Variants in ZP1 observed in about 807,000 individuals in gnomAD.
ZP1 encodes zona pellucida sperm-binding protein 1.
A neutral mutation model predicts 67.4 loss-of-function variants in ZP1; 58 were observed. The observed-to-expected ratio is 0.86, with a 90% CI of 0.70 to 1.07. ZP1 has a LOEUF of 1.07. Among genes scored for constraint, ZP1 ranks in the 50% least tolerant of loss-of-function variants. The pLI is 0.00. For missense variants in ZP1, 759 were observed against 807.3 expected (o/e 0.94, Z 0.72); for synonymous variants, 333 against 332.7 (o/e 1.00, Z -0.01).
rs748033099 is a variant in ZP1 at position 60,873,485 on chromosome 11, G to A, written c.1351G>A (p.Val451Ile). ...RLLQRTDPNL[V>I]LLLHQCWGAP... ...TCTGCAGAGGACAGACCCCAACCTG[G>A]TCCTGCTGCTGCACCAGTGCTGGGG... The change falls in exon 8 of 12, where the codon GTC becomes ATC. Residue 451 changes from valine (V) to isoleucine (I), a missense_variant. Coordinates refer to ENST00000278853, the MANE Select transcript of ZP1 (RefSeq NM_207341.4). 1.9e-6 allele frequency: 3 copies of A among 1,613,438 alleles called. No homozygotes were observed. The highest frequency in any genetic ancestry group is 1.3e-5 in the African/African-American group (1 of 74,870).
intron 11 of ZP1, 25 bp from the exon 12 acceptor site, chr11:60,875,489 C>T (rs1482668432): frequency 1.2e-6 from 2 of 1,612,754 alleles, no homozygotes; most frequent in Non-Finnish European, 1.7e-6. Flanking sequence ...CTCACCCAGC[C>T]CTGCCAATCC....
intron 4 of ZP1, 195 bp from the exon 5 acceptor site, chr11:60,870,762 G>A (rs1301354302): frequency 2.8e-5 from 20 of 720,520 alleles, no homozygotes; most frequent in South Asian, 1.9e-5. Flanking sequence ...TACTTTTAGA[G>A]TGTAGTTCAA....
intron 6 of ZP1, 113 bp from the exon 7 acceptor site, chr11:60,873,049 T>G (rs1855611594): frequency 7.9e-7 from 1 of 1,258,758 alleles, no homozygotes; most frequent in East Asian, 2.4e-5. Flanking sequence ...CCATCTGCCC[T>G]GCTGGACAGT....
At position 60,873,768 on chromosome 11, in the gene ZP1, G is replaced by A. The variant is rs749684202; in HGVS notation, c.1565G>A (p.Arg522Lys). ...LLDSGSQRAL[R>K]GLVYLFCSTS... is the part of the protein sequence containing the mutation. Reference sequence around the variant, plus strand: ...GACTCAGGCTCCCAGAGAGCCCTCAGAGGACTGGTAAGAAGCCCCGGCTGC... The same window carrying A: ...GACTCAGGCTCCCAGAGAGCCCTCAAAGGACTGGTAAGAAGCCCCGGCTGC... Residue 522 changes from arginine to lysine, a missense_variant, in exon 9 of 12, where the codon AGA (arginine) becomes AAA (lysine). Coordinates refer to ENST00000278853, the MANE Select transcript of ZP1 (RefSeq NM_207341.4). 2.5e-6 allele frequency: 4 copies of A among 1,613,744 alleles called. No individual in the cohort carries two copies. In the East Asian group the frequency reaches 6.7e-5, roughly 27 times the overall value.
intron 9 of ZP1, 148 bp from the exon 10 acceptor site, chr11:60,874,785 T>C: frequency 1.4e-6 from 1 of 698,866 alleles, no homozygotes; most frequent in South Asian, 1.7e-5. Flanking sequence ...GCAGCAGTCA[T>C]CATCTTGGTC....
intron 9 of ZP1, among the ~76,000 whole-genome samples, 177 bp downstream of exon 9, chr11:60,873,952 C>T (rs770804292): frequency 6.6e-6 from 1 of 152,200 alleles, no homozygotes; most frequent in Admixed American, 6.5e-5. Context: ...TAACCCATAA[C>T]CACCACCAGG....
rs772134317 is a variant in ZP1, at chr11:60,867,581, C to T, written c.20C>T (p.Thr7Met). The T allele has an allele frequency of 6.8e-6, 11 of 1,610,444 alleles. No homozygotes were observed. The highest frequency in any genetic ancestry group is 4.0e-5 in the African/African-American group (3 of 74,860). Residue 7 changes from threonine to methionine, a missense_variant, in exon 1 of 12, where the codon ACG (threonine) becomes ATG (methionine). Transcript: ENST00000278853. The stretch of plus-strand genomic sequence containing the variant: ...CGTCTCATGGCAGGAGGCTCAGCCA[C>T]GACCTGGGGTTACCCTGTGGCCCTG... MAGGSA[T>M]TWGYPVALLL...
chr11:60,871,477 TGCTGGGCAGGGG>T (rs1275438243), intron 6 of ZP1, among the ~76,000 whole-genome samples, 163 bp downstream of exon 6: 2 of 152,190 alleles, frequency 1.3e-5, no homozygotes, highest in Non-Finnish European at 2.9e-5. Context: ...CAGCCTCCCC[TGCTGGGCAGGGG>T]AAATGTCCCT....
Position 60,871,103 on chromosome 11 carries a change from G to T in ZP1, c.973G>T (p.Val325Phe). The T allele has an allele frequency of 1.2e-6, 2 of 1,614,156 alleles. No individual in the cohort carries two copies. Among genetic ancestry groups the T allele is most frequent in the Non-Finnish European group, 1.7e-6 (2 of 1,180,006 alleles). ...AACACAGCACACGGAAGCTTTCGTG[G>T]TCTTCTACTTCCCTCTCACCCACTG... The part of the protein sequence containing the change: ...SPTQHTEAFV[V>F]FYFPLTHCGT... Residue 325 changes from valine to phenylalanine, a missense_variant, in exon 5 of 12, where the codon GTC (valine) becomes TTC (phenylalanine). Physicochemically the swap from Val to Phe is conservative, Grantham distance 50. Coordinates refer to ENST00000278853, the MANE Select transcript of ZP1 (RefSeq NM_207341.4).
chr11:60,870,387 C>G lies in ZP1; in HGVS notation c.738C>G (p.Ile246Met), dbSNP rs750637109. 1 of 1,613,314 alleles carries G rather than the reference C, an allele frequency of 6.2e-7. No homozygotes were observed. The highest frequency in any genetic ancestry group is 8.5e-7 in the Non-Finnish European group (1 of 1,179,742). The change falls in exon 4 of 12, where the codon ATC becomes ATG. Residue 246 changes from isoleucine to methionine, a missense_variant. Physicochemically the swap from Ile to Met is conservative, Grantham distance 10 (BLOSUM62 1). Transcript: ENST00000278853. ...CQVASGHLPC[I>M]VRRTSKEACQ... ...TGGCCTCAGGGCACCTCCCCTGCAT[C>G]GTGAGAAGAACTTCAAAAGAAGCCT...
rs201527156 is a variant in ZP1, at chr11:60,869,167, T to A, written c.219T>A (p.Asp73Glu). 2 of 1,614,132 alleles carry A rather than the reference T, an allele frequency of 1.2e-6. No individual in the cohort carries two copies. The highest frequency in any genetic ancestry group is 8.5e-7 in the Non-Finnish European group (1 of 1,180,012). Residue 73 changes from aspartate (D) to glutamate (E), a missense_variant, in exon 2 of 12, where the codon GAT (aspartate) becomes GAA (glutamate). Physicochemically the swap from Asp to Glu is conservative, Grantham distance 45. Transcript: ENST00000278853. ...KVVDEFGNRF[D>E]VNNCSICYHW... is the part of the protein sequence containing the mutation. ...CAGATGAATTTGGGAACCGATTTGA[T>A]GTCAACAACTGCTCCATCTGCTACC...
At position 60,867,706 on chromosome 11, in the gene ZP1, C is replaced by T. The variant is rs149229543; in HGVS notation, c.145C>T (p.Gln49Ter). The T allele has an allele frequency of 6.2e-7, 1 of 1,613,902 alleles. No individual in the cohort carries two copies. The highest frequency in any genetic ancestry group is 1.3e-5 in the African/African-American group (1 of 74,950). ...CTACGACTGTGGGATCAAGGGAATG[C>T]AGCTGCTGGTGTTCCCCAGGCCAGG... ...HSYDCGIKGM[Q>*]LLVFPRPGQT... Residue 49 changes from glutamine to a stop codon, truncating the protein, a stop_gained, in exon 1 of 12, where the codon CAG (glutamine) becomes TAG (stop). Transcript: ENST00000278853. LOFTEE classifies it high-confidence loss of function.
rs755906925 is a variant in ZP1 at position 60,869,683 on chromosome 11, T to C, written c.465T>C (p.Ser155=). 1.9e-6 allele frequency: 3 copies of C among 1,614,206 alleles called. No individual in the cohort carries two copies. The East Asian group carries it at 6.7e-5, about 36-fold the overall frequency. The change falls in exon 3 of 12, where the codon TCT becomes TCC. Residue 155 remains serine (S), a synonymous_variant. Transcript: ENST00000278853. ...DSQLAPPAMF[S]VSTPQTLSFL... ...AGCTGGCACCACCCGCCATGTTCTC[T>C]GTCTCAACCCCACAAACCCTTTCCT...
At chr11:60,873,586 C>A (rs751757784) in intron 8 of ZP1, 22 bp downstream of exon 8, 1 of 1,613,840 alleles carries the variant, frequency 6.2e-7, no homozygotes, top group South Asian at 1.1e-5. Context: ...CACACTCCCC[C>A]CACCTGCTCT....
In ZP1 at chr11:60,869,751, C is replaced by T. The variant is rs138582317; in HGVS notation, c.533C>T (p.Ala178Val). The T allele has an allele frequency of 1.2e-6, 2 of 1,613,962 alleles. No individual in the cohort carries two copies. Among genetic ancestry groups the T allele is most frequent in the Non-Finnish European group, 1.7e-6 (2 of 1,179,996 alleles). The change falls in exon 3 of 12, where the codon GCC becomes GTC. Residue 178 changes from alanine to valine, a missense_variant. Physicochemically the swap from Ala to Val is moderately conservative, Grantham distance 64 (BLOSUM62 0). Coordinates refer to ENST00000278853, the MANE Select transcript of ZP1 (RefSeq NM_207341.4). ...SGHTSQGSGH[A>V]FPSPLDPGHS... ...CATACCTCCCAAGGCTCTGGCCATG[C>T]CTTTCCCAGCCCACTGGACCCAGGG...
intron 1 of ZP1, among the ~76,000 whole-genome samples, chr11:60,868,778 T>TCCTCAGCTG (rs2134825382): frequency 6.6e-6 from 1 of 152,228 alleles, no homozygotes; most frequent in South Asian, 2.1e-4. Context: ...CACCCTCCCT[T>TCCTCAGCTG]CCTCAGCTGC....
intron 6 of ZP1, 96 bp from the exon 7 acceptor site, chr11:60,873,066 T>G: frequency 7.2e-7 from 1 of 1,382,248 alleles, no homozygotes; most frequent in Non-Finnish European, 9.8e-7. Flanking sequence ...CAGTACCCTA[T>G]TTGTTGCACC....
Position 60,867,729 on chromosome 11 carries a change from A to C in ZP1, c.168A>C (p.Pro56=). ...KGMQLLVFPR[P]GQTLRFKVVD... ...TGCAGCTGCTGGTGTTCCCCAGGCC[A>C]GGCCAGACTCTCCGCTTCAAGGTGG... The change falls in exon 1 of 12, where the codon CCA becomes CCC. Residue 56 remains proline (P), a synonymous_variant. Transcript: ENST00000278853. The C allele has an allele frequency of 1.2e-6, 2 of 1,613,960 alleles. No homozygotes were observed. Among genetic ancestry groups the C allele is most frequent in the Non-Finnish European group, 1.7e-6 (2 of 1,179,916 alleles).
intron 10 of ZP1, 42 bp from the exon 11 acceptor site, chr11:60,875,087 G>C (rs773145203): frequency 6.2e-7 from 1 of 1,613,496 alleles, no homozygotes; most frequent in Non-Finnish European, 8.5e-7. Context: ...TGGGCCACAG[G>C]GGCAGGAGAC....
Sources: gnomAD v4.1 joint callset for allele counts (sites outside exome capture counted in the v4.1 genomes callset) on GRCh38, gnomAD v4.1.1 for gene constraint, MANE v1.5 for transcripts, NCBI Gene and HGNC (gene_info 2026-07-23, HGNC 2026-07-21) for gene names.